BANK1: variants seen among roughly 807,000 people sequenced by gnomAD.
BANK1 encodes the protein B-cell scaffold protein with ankyrin repeats.
Under a neutral mutation model 94.5 loss-of-function variants are expected in BANK1, and 95 were observed. The ratio of observed to expected loss-of-function variants is 1.00; its 90% confidence interval spans 0.85 to 1.19. The LOEUF (loss-of-function observed/expected upper bound fraction) is 1.19, where lower values mean the gene tolerates loss of function less well. Ranked by LOEUF, BANK1 falls within the 50% of genes most tolerant of loss-of-function variation. The probability of loss-of-function intolerance (pLI) is 0.00; values close to 1 mark genes in which losing one functional copy is unlikely to be tolerated. For missense variants in BANK1, 987 were observed against 932.2 expected, an observed-to-expected ratio of 1.06 and a Z score of -0.77; for synonymous variants, 334 against 308.4, an observed-to-expected ratio of 1.08 and a Z score of -0.87.
intron 5 of BANK1, among the ~76,000 whole-genome samples, chr4:101,881,522 C>T (rs892484190): frequency 2.0e-5 from 3 of 152,052 alleles, no homozygotes; most frequent in African/African-American, 7.2e-5. Context: ...CCTGAAGAAA[C>T]TAAAAGTCAA....
chr4:101,963,600 C>T lies in BANK1; in HGVS notation c.1206+45411C>T, dbSNP rs191940248. 5.3e-5 allele frequency among the ~76,000 whole-genome samples: 8 copies of T among 151,982 alleles called. No individual in the cohort carries two copies. The East Asian group carries it at 9.7e-4, about 18-fold the overall frequency. ...AAAGATTGGTTGTGTGGATCTACCACTCAACCAAAGTGTACTATTTATTCA... is the reference window on the plus strand; with the variant it reads ...AAAGATTGGTTGTGTGGATCTACCATTCAACCAAAGTGTACTATTTATTCA... On this transcript the variant is annotated intron_variant, in intron 7 of 16. Transcript: ENST00000322953.
chr4:101,844,976 A>G (rs1460438756), intron 2 of BANK1, among the ~76,000 whole-genome samples: 1 of 152,206 alleles, frequency 6.6e-6, no homozygotes, highest in Non-Finnish European at 1.5e-5. Flanking sequence ...CTCAAAGGTG[A>G]GTAGACTCAG....
chr4:101,938,232 T>TATA (rs1051906904), intron 7 of BANK1, among the ~76,000 whole-genome samples: 3 of 151,330 alleles, frequency 2.0e-5, no homozygotes, highest in African/African-American at 4.9e-5. Flanking sequence ...GAGTTTAAAA[T>TATA]ATAATAATAA....
chr4:101,820,246 C>T lies in BANK1; in HGVS notation c.71-9562C>T, dbSNP rs538161331. On this transcript the variant is annotated intron_variant, in intron 1 of 16. Coordinates refer to ENST00000322953, the MANE Select transcript of BANK1 (RefSeq NM_017935.5). ...AGTCTAATAACCCTTAAAATTCATT[C>T]CATACATACTTTCCAAACTCATGCT... 3.9e-5 allele frequency among the ~76,000 whole-genome samples: 6 copies of T among 152,270 alleles called. No homozygotes were observed. The East Asian group carries it at 1.2e-3, about 29-fold the overall frequency.
intron 11 of BANK1, among the ~76,000 whole-genome samples, chr4:102,056,327 T>C (rs143940981): frequency 1.4e-3 from 215 of 152,162 alleles, no homozygotes; most frequent in African/African-American, 4.9e-3. Context: ...ATAAAAGACT[T>C]AGAAGCTCCA....
intron 6 of BANK1, among the ~76,000 whole-genome samples, chr4:101,907,629 A>T (rs1722499181): frequency 6.6e-6 from 1 of 152,236 alleles, no homozygotes; most frequent in Non-Finnish European, 1.5e-5. Context: ...CTGTTTGCAG[A>T]TGACATGATT....
intron 12 of BANK1, chr4:102,062,069 G>A (rs1728437070): frequency 6.6e-6 from 1 of 152,006 alleles, no homozygotes; most frequent in Admixed American, 6.5e-5. Context: ...GCATTCCTAT[G>A]TACTTTTCAA....
chr4:102,073,804 C>A, intron 16 of BANK1, 56 bp downstream of exon 16: 1 of 1,353,466 alleles, frequency 7.4e-7, no homozygotes, highest in Non-Finnish European at 1.0e-6. Context: ...TTGTTAGGGA[C>A]TTGAAGGTAT....
intron 2 of BANK1, among the ~76,000 whole-genome samples, chr4:101,845,162 G>A (rs1233387878): frequency 2.0e-5 from 3 of 151,968 alleles, no homozygotes; most frequent in Non-Finnish European, 4.4e-5. Flanking sequence ...GTTCCATGAT[G>A]TGATTATTAT....
chr4:101,976,742 C>A (rs1411450648), intron 7 of BANK1, among the ~76,000 whole-genome samples: 1 of 152,046 alleles, frequency 6.6e-6, no homozygotes, highest in Non-Finnish European at 1.5e-5. Context: ...TTCTGAAAAT[C>A]TTATTCTTTA....
chr4:101,852,960 A>G (rs1256296025), intron 2 of BANK1, among the ~76,000 whole-genome samples: 2 of 152,052 alleles, frequency 1.3e-5, no homozygotes, highest in African/African-American at 2.4e-5. Flanking sequence ...AATAAAATCC[A>G]TTTCTTAGTT....
intron 7 of BANK1, among the ~76,000 whole-genome samples, chr4:101,999,117 T>G (rs571661388): frequency 2.6e-4 from 39 of 152,348 alleles, no homozygotes; most frequent in African/African-American, 9.1e-4. Flanking sequence ...GTCTTCTACC[T>G]TCTGGTGGTC....
chr4:102,051,993 G>T (rs1232346345), intron 11 of BANK1, among the ~76,000 whole-genome samples: 1 of 152,002 alleles, frequency 6.6e-6, no homozygotes, highest in Non-Finnish European at 1.5e-5. Context: ...GTTGCGAACT[G>T]CACCTATTAA....
At chr4:101,834,601 T>C (rs1726755657) in intron 2 of BANK1, among the ~76,000 whole-genome samples, 4 of 152,056 alleles carry the variant, frequency 2.6e-5, no homozygotes, top group Admixed American at 1.3e-4. Flanking sequence ...TTGCCAATCA[T>C]GTTGAAGACA....
At chr4:101,990,401 C>G (rs541630940) in intron 7 of BANK1, among the ~76,000 whole-genome samples, 12 of 152,218 alleles carry the variant, frequency 7.9e-5, no homozygotes, top group Admixed American at 6.5e-4. Context: ...ATCTAATAAA[C>G]AAGAAGCCTT....
At chr4:101,877,199 A>G (rs1728522773) in intron 5 of BANK1, among the ~76,000 whole-genome samples, 1 of 152,188 alleles carries the variant, frequency 6.6e-6, no homozygotes, top group South Asian at 2.1e-4. Flanking sequence ...AAACATGAGA[A>G]AGTTATAGAA....
chr4:101,957,931 G>A (rs59645858), intron 7 of BANK1, among the ~76,000 whole-genome samples: 3 of 144,914 alleles, frequency 2.1e-5, no homozygotes, highest in Admixed American at 7.1e-5. Context: ...TGAAAGCTCC[G>A]CCTCCCAGGT....
intron 5 of BANK1, among the ~76,000 whole-genome samples, chr4:101,889,163 G>T (rs1050060664): frequency 6.6e-6 from 1 of 151,874 alleles, no homozygotes; most frequent in African/African-American, 2.4e-5. Flanking sequence ...CAAGGACTTG[G>T]TTCATTTCAT....
chr4:102,021,147 G>C (rs1255720018), intron 7 of BANK1, among the ~76,000 whole-genome samples: 1 of 67,820 alleles, frequency 1.5e-5, no homozygotes, highest in African/African-American at 5.8e-5. Flanking sequence ...CTTTTGAACT[G>C]TAAAAGATAT....
Sources: gnomAD v4.1 joint callset for allele counts (sites outside exome capture counted in the v4.1 genomes callset) on GRCh38, gnomAD v4.1.1 for gene constraint, MANE v1.5 for transcripts, NCBI Gene and HGNC (gene_info 2026-07-23, HGNC 2026-07-21) for gene names.